The following TRMT11 variants were observed in gnomAD, a reference collection of about 807,000 sequenced individuals.
TRMT11 encodes the protein tRNA methyltransferase 11.
In TRMT11, 53 loss-of-function variants were observed where a neutral mutation model predicts 62.8. The observed-to-expected ratio is 0.84, with a 90% CI of 0.68 to 1.06. The LOEUF (loss-of-function observed/expected upper bound fraction) is 1.06, where lower values mean the gene tolerates loss of function less well. Among genes scored for constraint, TRMT11 ranks in the 50% least tolerant of loss-of-function variants. The pLI, the probability that TRMT11 is intolerant of heterozygous loss-of-function variation, is 0.00. For synonymous variants in TRMT11, 188 were observed against 190.3 expected (o/e 0.99, Z 0.10); for missense variants, 556 against 553.4 (o/e 1.00, Z -0.05).
intron 21 of TRMT11, among the ~76,000 whole-genome samples, chr6:126,149,902 T>C (rs1211457528): frequency 6.6e-6 from 1 of 152,224 alleles, no homozygotes; most frequent in Non-Finnish European, 1.5e-5. Context: ...GTGTCTGTAT[T>C]AGTATGACTA....
rs35779045 is a variant in TRMT11 at position 126,015,083 on chromosome 6, TAA to T, written c.1139+1994_1139+1995del. On this transcript the variant is annotated intron_variant, in intron 11 of 12. Coordinates refer to ENST00000334379, the MANE Select transcript of TRMT11 (RefSeq NM_001031712.3). ...TTTAATTCAAGTTGTAGGGCTAAAA[TAA>T]AAAAAAAAAAATACTGTGAAGTAAT... Among the ~76,000 whole-genome samples, 1,127 of 148,824 alleles carry T rather than the reference TAA, an allele frequency of 7.6e-3. 12 individuals carry two copies. The highest frequency in any genetic ancestry group is 0.024 in the African/African-American group (971 of 40,752).
rs76519885 is a variant in TRMT11, at chr6:126,122,286, T to C, written c.*1823+6431T>C. On this transcript the variant is annotated intron_variant and NMD_transcript_variant, in intron 21 of 22. Coordinates refer to the TRMT11 transcript ENST00000648977. ...AACAGACTAATACAGGCTCAGAAAA[T>C]AATACCTCCAAATGAGAGCCTCCAC... is the stretch of plus-strand genomic sequence containing the variant. Among the ~76,000 whole-genome samples, 925 of 152,070 alleles carry C rather than the reference T, an allele frequency of 6.1e-3. 10 individuals carry two copies. The highest frequency in any genetic ancestry group is 0.021 in the African/African-American group (871 of 41,492).
the TRMT11 span, among the ~76,000 whole-genome samples, chr6:126,247,556 A>C: frequency 6.8e-6 from 1 of 146,966 alleles, no homozygotes; most frequent in Non-Finnish European, 1.5e-5. Context: ...AAATATAAAT[A>C]AATATATAAA....
chr6:126,210,925 C>A, the TRMT11 span, among the ~76,000 whole-genome samples: 8 of 152,010 alleles, frequency 5.3e-5, no homozygotes, highest in Non-Finnish European at 1.0e-4. Flanking sequence ...CTCTATCCCC[C>A]ACAAGTATGC....
intron 21 of TRMT11, among the ~76,000 whole-genome samples, chr6:126,149,827 C>T (rs1778017233): frequency 6.6e-6 from 1 of 152,184 alleles, no homozygotes; most frequent in African/African-American, 2.4e-5. Flanking sequence ...ATTTTCCCAC[C>T]TGAGCAGCCA....
intron 21 of TRMT11, among the ~76,000 whole-genome samples, chr6:126,137,042 A>G (rs1362150146): frequency 1.3e-5 from 2 of 151,792 alleles, no homozygotes; most frequent in African/African-American, 4.8e-5. Flanking sequence ...AACTAGTAGA[A>G]AACATTGGGG....
chr6:126,120,378 A>G (rs1429791190), intron 21 of TRMT11, among the ~76,000 whole-genome samples: 15 of 152,124 alleles, frequency 9.9e-5, no homozygotes, highest in Admixed American at 9.8e-4. Context: ...TGCTATTTTT[A>G]TTTATTCCTT....
intron 17 of TRMT11, among the ~76,000 whole-genome samples, chr6:126,110,252 A>G (rs1350102768): frequency 6.6e-6 from 1 of 152,122 alleles, no homozygotes; most frequent in Non-Finnish European, 1.5e-5. Flanking sequence ...TTCTTCAACT[A>G]TACATCACTT....
intron 21 of TRMT11, among the ~76,000 whole-genome samples, chr6:126,147,553 G>A (rs1468383569): frequency 1.3e-5 from 2 of 152,164 alleles, no homozygotes; most frequent in African/African-American, 4.8e-5. Context: ...CATGATGGCT[G>A]TTCGTCCATG....
At chr6:126,063,814 C>T (rs1776607002) in intron 17 of TRMT11, among the ~76,000 whole-genome samples, 1 of 152,158 alleles carries the variant, frequency 6.6e-6, no homozygotes, top group Admixed American at 6.5e-5. Flanking sequence ...CTTTTACAGC[C>T]CAGGGTAGAA....
At chr6:126,216,896 A>C in the TRMT11 span, among the ~76,000 whole-genome samples, 1 of 151,826 alleles carries the variant, frequency 6.6e-6, no homozygotes, top group African/African-American at 2.4e-5. Context: ...TTTTGAGACT[A>C]TTTTCTAGAT....
At chr6:126,152,292 C>T (rs1236930614) in intron 21 of TRMT11, among the ~76,000 whole-genome samples, 1 of 145,072 alleles carries the variant, frequency 6.9e-6, no homozygotes, top group East Asian at 2.0e-4. Context: ...AAAAATCAAA[C>T]ATGATCAGCA....
At chr6:126,237,526 A>G in the TRMT11 span, among the ~76,000 whole-genome samples, 2 of 151,962 alleles carry the variant, frequency 1.3e-5, no homozygotes, top group African/African-American at 2.4e-5. Context: ...CAAAAAATAC[A>G]AAAAATTAGC....
At chr6:126,013,627 C>A (rs1302634101) in intron 11 of TRMT11, among the ~76,000 whole-genome samples, 1 of 152,186 alleles carries the variant, frequency 6.6e-6, no homozygotes, top group Non-Finnish European at 1.5e-5. Flanking sequence ...CAAACCACGG[C>A]CTATGGGCCA....
the TRMT11 span, among the ~76,000 whole-genome samples, chr6:126,220,756 A>ATT: frequency 1.4e-5 from 2 of 147,072 alleles, no homozygotes; most frequent in Non-Finnish European, 3.0e-5. Flanking sequence ...CTGGATGTCT[A>ATT]TTTTTTTTTT....
intron 11 of TRMT11, among the ~76,000 whole-genome samples, chr6:126,016,977 T>C (rs953213133): frequency 2.6e-5 from 4 of 152,194 alleles, no homozygotes; most frequent in Non-Finnish European, 5.9e-5. Flanking sequence ...GTCTTTACTC[T>C]TTTGAAAATT....
intron 7 of TRMT11, chr6:126,007,041 A>G (rs1038707601): frequency 1.3e-5 from 2 of 152,010 alleles, no homozygotes; most frequent in Non-Finnish European, 2.9e-5. Flanking sequence ...GTCATCACTT[A>G]TGCTGCTTTT....
chr6:126,011,890 A>G (rs2128820991), intron 9 of TRMT11, among the ~76,000 whole-genome samples: 1 of 152,280 alleles, frequency 6.6e-6, no homozygotes, highest in African/African-American at 2.4e-5. Flanking sequence ...TTCTAGCATT[A>G]CAAGAAATTT....
chr6:126,271,981 A>G, the TRMT11 span, among the ~76,000 whole-genome samples: 2 of 152,228 alleles, frequency 1.3e-5, no homozygotes, highest in African/African-American at 2.4e-5. Flanking sequence ...ACCCACATTG[A>G]TATGGGTTAC....
Sources: allele counts gnomAD v4.1 joint callset (sites outside exome capture counted in the v4.1 genomes callset), GRCh38; gene constraint gnomAD v4.1.1; transcripts MANE v1.5; gene names NCBI Gene and HGNC (gene_info 2026-07-23, HGNC 2026-07-21).